FBXO21: variants seen among roughly 807,000 people sequenced by gnomAD.
FBXO21 encodes the protein F-box protein 21, also known as F-box only protein 21.
In FBXO21, 32 loss-of-function variants were observed where a neutral mutation model predicts 76.6. The ratio of observed to expected loss-of-function variants is 0.42; its 90% CI spans 0.32 to 0.56. FBXO21 has a LOEUF of 0.56. FBXO21 is among the 20% of genes least tolerant of loss of function. The probability of loss-of-function intolerance (pLI) is 0.16; values close to 1 mark genes in which losing one functional copy is unlikely to be tolerated. For missense variants in FBXO21, 586 were observed against 797.3 expected (o/e 0.73, Z 3.19); for synonymous variants, 328 against 311.5 (o/e 1.05, Z -0.56).
chr12:117,154,865 C>T (rs1955892052), intron 11 of FBXO21, among the ~76,000 whole-genome samples: 1 of 152,162 alleles, frequency 6.6e-6, no homozygotes, highest in Admixed American at 6.5e-5. Context: ...CAGACATGAG[C>T]AGGTACAGCA....
At chr12:117,167,816 A>C (rs1956072417) in intron 7 of FBXO21, among the ~76,000 whole-genome samples, 1 of 151,686 alleles carries the variant, frequency 6.6e-6, no homozygotes, top group African/African-American at 2.4e-5. Context: ...TGACATGCTG[A>C]GGTGGTCAGA....
rs758152734 is a variant in FBXO21 at position 117,190,339 on chromosome 12, A to C, written c.118T>G (p.Tyr40Asp). 5 of 1,541,036 alleles carry C rather than the reference A, an allele frequency of 3.2e-6. No homozygotes were observed. The highest frequency in any genetic ancestry group is 4.3e-6 in the Non-Finnish European group (5 of 1,153,750). Residue 40 changes from tyrosine (Y) to aspartate (D), a missense_variant, in exon 1 of 12, where the codon TAC becomes GAC. This residue lies in a region of FBXO21 where 152 missense variants were observed against 127.2 expected (regional missense o/e 1.19). Coordinates refer to ENST00000622495, the MANE Select transcript of FBXO21 (RefSeq NM_015002.3). ...LVNLPGEVLE[Y>D]ILCCGSLTAA... is the part of the protein sequence containing the mutation. ...GTCAGCGAGCCGCAGCACAGGATGT[A>C]CTCCAGCACCTCACCCGGCAGGTTG...
chr12:117,188,051 AT>A (rs1956301706), intron 2 of FBXO21, among the ~76,000 whole-genome samples: 1 of 152,268 alleles, frequency 6.6e-6, no homozygotes, highest in African/African-American at 2.4e-5. Flanking sequence ...AACATTTCAA[AT>A]TATTAACTCC....
intron 7 of FBXO21, among the ~76,000 whole-genome samples, chr12:117,171,289 T>C (rs887421921): frequency 2.2e-5 from 3 of 134,494 alleles, no homozygotes; most frequent in East Asian, 4.3e-4. Context: ...GTCCAGGAGA[T>C]GGAGGATGCA....
intron 10 of FBXO21, among the ~76,000 whole-genome samples, chr12:117,156,817 T>C (rs564723493): frequency 6.6e-6 from 1 of 152,312 alleles, no homozygotes; most frequent in East Asian, 1.9e-4. Context: ...CAACTTATCG[T>C]CATGTAGATA....
intron 3 of FBXO21, among the ~76,000 whole-genome samples, chr12:117,180,526 G>C (rs921637256): frequency 6.6e-6 from 1 of 152,078 alleles, no homozygotes; most frequent in African/African-American, 2.4e-5. Flanking sequence ...TATCACAGGT[G>C]GTAAAATTAG....
At chr12:117,188,576 G>C (rs11068396) in intron 2 of FBXO21, among the ~76,000 whole-genome samples, 1,727 of 146,176 alleles carry the variant, frequency 0.012, 31 homozygotes, top group African/African-American at 0.042. Flanking sequence ...ACTTCCATGA[G>C]ACATTTTGAG....
In FBXO21 at chr12:117,190,467, T is replaced by G; in HGVS notation, c.-11A>C. 1 of 1,208,304 alleles carries G rather than the reference T, an allele frequency of 8.3e-7. No homozygotes were observed. Among genetic ancestry groups the G allele is most frequent in the South Asian group, 1.6e-5 (1 of 63,906 alleles). 74.8% of individuals were successfully genotyped at this position (1,208,304 alleles called of 1,614,324 possible). On this transcript the variant is annotated 5_prime_UTR_variant, in exon 1 of 12. Coordinates refer to ENST00000622495, the MANE Select transcript of FBXO21 (RefSeq NM_015002.3). ...TGCTGCCGCCGCCATCTTGTCCGCG[T>G]ACCTGGGGCCGCCGCGCGCGCGCGT... is the stretch of plus-strand genomic sequence containing the variant.
At chr12:117,182,688 G>C (rs113008195) in intron 3 of FBXO21, among the ~76,000 whole-genome samples, 5,555 of 145,906 alleles carry the variant, frequency 0.038, 313 homozygotes, top group African/African-American at 0.13. Flanking sequence ...TCAGCCTCCC[G>C]AGTAGCCGGG....
In FBXO21 at chr12:117,165,722, G is replaced by A. The variant is rs1956046693; in HGVS notation, c.1194-105C>T. ...AATATAATTGACACAAATCCCAAACGTTTTCTGATTCTGGTATTTCTTCTC... is the reference window on the plus strand; with the variant it reads ...AATATAATTGACACAAATCCCAAACATTTTCTGATTCTGGTATTTCTTCTC... On this transcript the variant is annotated intron_variant, in intron 8 of 11. Coordinates refer to ENST00000622495, the MANE Select transcript of FBXO21 (RefSeq NM_015002.3). The A allele has an allele frequency of 7.9e-6, 9 of 1,136,936 alleles. No homozygotes were observed. The South Asian group carries it at 9.3e-5, about 12-fold the overall frequency. 70.4% of individuals were successfully genotyped at this position (1,136,936 alleles called of 1,614,324 possible).
chr12:117,167,866 G>A (rs1258701930), intron 7 of FBXO21, among the ~76,000 whole-genome samples: 1 of 152,198 alleles, frequency 6.6e-6, no homozygotes, highest in Non-Finnish European at 1.5e-5. Context: ...TGGGAACCCT[G>A]TGCTAGAGCA....
At chr12:117,151,056 G>A (rs935545286) in intron 11 of FBXO21, among the ~76,000 whole-genome samples, 2 of 151,126 alleles carry the variant, frequency 1.3e-5, no homozygotes, top group African/African-American at 2.4e-5. Flanking sequence ...CATCAAATAA[G>A]TTATGGAAAA....
In FBXO21 at chr12:117,168,397, G is replaced by A. The variant is rs371722743; in HGVS notation, c.1014-1320C>T. ...AAATTAGCTGGGCGTGGTGGTGCAT[G>A]CCTGAAATCCCAGCTACTCGGGAGG... is the stretch of plus-strand genomic sequence containing the variant. On this transcript the variant is annotated intron_variant, in intron 7 of 11. Transcript: ENST00000622495. Among the ~76,000 whole-genome samples, 21 of 152,140 alleles carry A rather than the reference G, an allele frequency of 1.4e-4. No individual in the cohort carries two copies. In the South Asian group the frequency reaches 2.5e-3, roughly 18 times the overall value.
At chr12:117,184,470 T>C (rs950163162) in intron 3 of FBXO21, among the ~76,000 whole-genome samples, 1 of 152,202 alleles carries the variant, frequency 6.6e-6, no homozygotes, top group Admixed American at 6.5e-5. Context: ...GAAAATTATG[T>C]AGGCTAGGCA....
At chr12:117,155,588 G>C (rs1338834056) in intron 11 of FBXO21, 1 of 623,334 alleles carries the variant, frequency 1.6e-6, no homozygotes, top group African/African-American at 1.8e-5. Flanking sequence ...GGGCGGGTAT[G>C]ACTACTGACC....
rs1327821425 is a variant in FBXO21 at position 117,146,223 on chromosome 12, C to T, written c.1730G>A (p.Arg577His). Residue 577 changes from arginine to histidine, a missense_variant, in exon 12 of 12, where the codon CGC (arginine) becomes CAC (histidine). Around this residue, in one of 6 missense-constraint regions of FBXO21, gnomAD observed 164 missense variants for 236.7 expected, o/e 0.69. Coordinates refer to ENST00000622495, the MANE Select transcript of FBXO21 (RefSeq NM_015002.3). ...PQEISHPDVG[R>H]YFSEFTGTHY... Reference sequence around the variant, plus strand: ...AGTGCCAGTAAACTCTGAGAAATAGCGTCCCACGTCAGGGTGTGAGATTTC... The same window carrying T: ...AGTGCCAGTAAACTCTGAGAAATAGTGTCCCACGTCAGGGTGTGAGATTTC... The T allele has an allele frequency of 5.0e-6, 8 of 1,613,394 alleles. No individual in the cohort carries two copies. The African/African-American group carries it at 6.7e-5, about 13-fold the overall frequency.
chr12:117,160,273 C>G (rs1955962498), intron 9 of FBXO21, among the ~76,000 whole-genome samples: 1 of 152,138 alleles, frequency 6.6e-6, no homozygotes, highest in East Asian at 1.9e-4. Flanking sequence ...GTGAATCTGG[C>G]CCACAAGCTA....
rs1955731462 is a variant in FBXO21, at chr12:117,142,965, C to A, written c.*3122G>T. 1 of 152,288 alleles carries A rather than the reference C, an allele frequency of 6.6e-6. No homozygotes were observed. The highest frequency in any genetic ancestry group is 2.4e-5 in the African/African-American group (1 of 41,550). The allele number at this position is 152,288 out of a possible 1,614,324, so 9.4% of individuals were successfully genotyped here. A position where few individuals can be genotyped will look rare whatever the true frequency, so the allele number is the denominator to read the frequency against. ...ACTGAGCCGGCAACAGTACTTAATG[C>A]TGGTTTTCTCAATAAAATCATTTTG... On this transcript the variant is annotated 3_prime_UTR_variant, in exon 12 of 12. Transcript: ENST00000622495.
chr12:117,174,161 A>G (rs1286682129), intron 6 of FBXO21, 44 bp downstream of exon 6: 1 of 1,497,180 alleles, frequency 6.7e-7, no homozygotes, highest in South Asian at 1.1e-5. Context: ...AAAAGTTACT[A>G]TACCTATATT....
Sources: gnomAD v4.1 joint callset for allele counts (sites outside exome capture counted in the v4.1 genomes callset) on GRCh38, gnomAD v4.1.1 for gene constraint, gnomAD v4.1.1 regional missense constraint, MANE v1.5 for transcripts, NCBI Gene and HGNC (gene_info 2026-07-23, HGNC 2026-07-21) for gene names.